The following THOC3 variants were observed in gnomAD, a reference collection of about 807,000 sequenced individuals.
THOC3 encodes the protein TEX1 homolog.
In THOC3, 4 loss-of-function variants were observed where a neutral mutation model predicts 23.3. That is an observed-to-expected ratio of 0.17 (90% CI 0.08 to 0.39). The LOEUF (loss-of-function observed/expected upper bound fraction) is 0.39, where lower values mean the gene tolerates loss of function less well. Among genes scored for constraint, THOC3 ranks in the 10% least tolerant of loss-of-function variants. THOC3 has a pLI of 1.00. For missense variants in THOC3, 64 were observed against 359.4 expected (o/e 0.18, Z 6.65); for synonymous variants, 27 against 141.5 (o/e 0.19, Z 5.74).
intron 5 of THOC3, chr5:175,960,389 T>C (rs1756640085): frequency 3.6e-6 from 1 of 274,490 alleles, no homozygotes; most frequent in South Asian, 4.2e-5. Flanking sequence ...CACAGGGACA[T>C]GCAGTTACAT....
chr5:175,965,715 G>A (rs1476485168), intron 2 of THOC3, among the ~76,000 whole-genome samples: 8 of 152,052 alleles, frequency 5.3e-5, no homozygotes, highest in Admixed American at 2.0e-4. Flanking sequence ...GTGAGCCACC[G>A]TGCCCGGCCA....
At chr5:175,965,454 A>C (rs1165657603) in intron 2 of THOC3, among the ~76,000 whole-genome samples, 1 of 152,258 alleles carries the variant, frequency 6.6e-6, no homozygotes, top group Admixed American at 6.5e-5. Flanking sequence ...CCAAAGTGTC[A>C]AAGCTATGAA....
At chr5:175,964,825 T>C in intron 3 of THOC3, 126 bp downstream of exon 3, 1 of 542,286 alleles carries the variant, frequency 1.8e-6, no homozygotes, top group Non-Finnish European at 3.2e-6. Context: ...TTAAGACAGG[T>C]TAGGATTCTC....
chr5:175,960,723 T>A (rs560058976), intron 5 of THOC3: 1 of 156,200 alleles, frequency 6.4e-6, no homozygotes, highest in Non-Finnish European at 1.3e-5. Context: ...AGGCAAAAGA[T>A]AAAGAGAAAT....
At chr5:175,961,848 T>C (rs1166987801) in intron 3 of THOC3, among the ~76,000 whole-genome samples, 3 of 152,070 alleles carry the variant, frequency 2.0e-5, no homozygotes, top group African/African-American at 7.3e-5. Flanking sequence ...CACAATAACG[T>C]TTTATAAAAT....
chr5:175,962,326 G>A (rs1403275114), intron 3 of THOC3, among the ~76,000 whole-genome samples: 6 of 140,372 alleles, frequency 4.3e-5, no homozygotes, highest in Admixed American at 2.8e-4. Flanking sequence ...TTGTAATATA[G>A]AAGAGGTTTA....
chr5:175,963,520 G>T, intron 3 of THOC3, among the ~76,000 whole-genome samples: 1 of 132,796 alleles, frequency 7.5e-6, no homozygotes. Flanking sequence ...GGACTTCTGG[G>T]ATGGCTGGAA....
At chr5:175,962,252 T>C (rs1184660585) in intron 3 of THOC3, among the ~76,000 whole-genome samples, 8 of 146,138 alleles carry the variant, frequency 5.5e-5, no homozygotes, top group Non-Finnish European at 1.0e-4. Flanking sequence ...TCGGATATTC[T>C]AATTCTATGA....
intron 2 of THOC3, 167 bp from the exon 3 acceptor site, chr5:175,965,322 C>T (rs1756744759): frequency 8.5e-7 from 1 of 1,175,518 alleles, no homozygotes; most frequent in Non-Finnish European, 1.2e-6. Flanking sequence ...AAGTCCAGAA[C>T]TTTCATCTAC....
intron 3 of THOC3, among the ~76,000 whole-genome samples, chr5:175,961,836 A>C (rs1756664782): frequency 6.6e-6 from 1 of 152,160 alleles, no homozygotes; most frequent in Admixed American, 6.5e-5. Flanking sequence ...ACAAACAATA[A>C]GCACAATAAC....
chr5:175,961,696 T>C (rs1581128922), intron 3 of THOC3, among the ~76,000 whole-genome samples: 2 of 152,128 alleles, frequency 1.3e-5, no homozygotes, highest in Admixed American at 6.5e-5. Flanking sequence ...AAAATTAGAT[T>C]ATTGGGCTTT....
Position 175,965,164 on chromosome 5 carries a change from C to T in THOC3, c.425-9G>A, listed in dbSNP as rs1327899263. 1.2e-6 allele frequency: 2 copies of T among 1,607,198 alleles called. No homozygotes were observed. The highest frequency in any genetic ancestry group is 1.7e-6 in the Non-Finnish European group (2 of 1,176,524). Reference sequence around the variant, plus strand: ...GATATTAATGTTCTCCCCTGGGAACCCAGACATAATCAGCAAGATAATCTG... The same window carrying T: ...GATATTAATGTTCTCCCCTGGGAACTCAGACATAATCAGCAAGATAATCTG... On this transcript the variant is annotated splice_polypyrimidine_tract_variant and intron_variant, in intron 2 of 5. Coordinates refer to ENST00000265097, the MANE Select transcript of THOC3 (RefSeq NM_032361.4).
At chr5:175,961,247 AG>A (rs1181036106) in intron 4 of THOC3, 25 bp downstream of exon 4, 3 of 547,976 alleles carry the variant, frequency 5.5e-6, no homozygotes, top group Admixed American at 3.9e-5. Flanking sequence ...GTACCCAACA[AG>A]GGAAGTGCTG....
At chr5:175,963,409 G>A (rs1209119299) in intron 3 of THOC3, among the ~76,000 whole-genome samples, 1 of 152,142 alleles carries the variant, frequency 6.6e-6, no homozygotes, top group Non-Finnish European at 1.5e-5. Flanking sequence ...GGTATCTAGG[G>A]GCTGCACATG....
At chr5:175,963,770 C>CT (rs1756710944) in intron 3 of THOC3, among the ~76,000 whole-genome samples, 3 of 150,538 alleles carry the variant, frequency 2.0e-5, no homozygotes, top group Admixed American at 6.6e-5. Flanking sequence ...CATGCCCTCT[C>CT]TTATTTCCCT....
chr5:175,962,643 G>A (rs533105461), intron 3 of THOC3, among the ~76,000 whole-genome samples: 138 of 143,150 alleles, frequency 9.6e-4, no homozygotes, highest in African/African-American at 3.6e-3. Context: ...TCCTGCCTCA[G>A]TCTGCCAAGC....
chr5:175,962,575 A>G (rs1305940517), intron 3 of THOC3, among the ~76,000 whole-genome samples: 6 of 144,250 alleles, frequency 4.2e-5, no homozygotes, highest in African/African-American at 1.1e-4. Flanking sequence ...AGAATGCTGG[A>G]GTGCAGTGGT....
chr5:175,967,558 T>TACCACCACCACCAACGTACAACC (rs1225326067), intron 1 of THOC3: 1 of 257,216 alleles, frequency 3.9e-6, no homozygotes, highest in African/African-American at 3.7e-5. Flanking sequence ...ACCACCAACG[T>TACCACCACCACCAACGTACAACC]ACCACCACCA....
chr5:175,965,521 T>C (rs1561590074), intron 2 of THOC3, among the ~76,000 whole-genome samples: 1 of 152,252 alleles, frequency 6.6e-6, no homozygotes, highest in Non-Finnish European at 1.5e-5. Context: ...ACCTCCTGGG[T>C]TCACGCCATT....
Sources: gnomAD v4.1 joint callset for allele counts (sites outside exome capture counted in the v4.1 genomes callset) on GRCh38, gnomAD v4.1.1 for gene constraint, MANE v1.5 for transcripts, NCBI Gene and HGNC (gene_info 2026-07-23, HGNC 2026-07-21) for gene names.